PCSK5: variants seen among roughly 807,000 people sequenced by gnomAD.
PCSK5 encodes proprotein convertase subtilisin/kexin type 5.
A neutral mutation model predicts 233.2 loss-of-function variants in PCSK5; 129 were observed. The observed-to-expected ratio is 0.55, with a 90% CI of 0.48 to 0.64. The LOEUF (loss-of-function observed/expected upper bound fraction) is 0.64. PCSK5 is among the 30% of genes least tolerant of loss of function. The probability of loss-of-function intolerance (pLI) is 0.00; values close to 1 mark genes in which losing one functional copy is unlikely to be tolerated. For missense variants in PCSK5, 2,076 were observed against 2,430.1 expected (o/e 0.85, Z 3.06); for synonymous variants, 825 against 879.2 (o/e 0.94, Z 1.09).
intron 21 of PCSK5, among the ~76,000 whole-genome samples, chr9:76,232,913 A>T (rs1006023113): frequency 1.1e-4 from 16 of 152,222 alleles, no homozygotes; most frequent in African/African-American, 3.9e-4. Context: ...TTTGCAAAAC[A>T]TGACACTCAA....
At chr9:76,322,701 T>G (rs375478690) in intron 31 of PCSK5, among the ~76,000 whole-genome samples, 1 of 152,256 alleles carries the variant, frequency 6.6e-6, no homozygotes, top group African/African-American at 2.4e-5. Context: ...AGGTTCTCAA[T>G]ACAATTTTTT....
At chr9:76,320,688 A>G (rs1829172829) in intron 30 of PCSK5, among the ~76,000 whole-genome samples, 1 of 151,524 alleles carries the variant, frequency 6.6e-6, no homozygotes, top group Non-Finnish European at 1.5e-5. Flanking sequence ...TGGCCAAGCC[A>G]GTCTCAAACT....
At chr9:76,083,502 A>G (rs1830936952) in intron 7 of PCSK5, among the ~76,000 whole-genome samples, 1 of 152,230 alleles carries the variant, frequency 6.6e-6, no homozygotes, top group Admixed American at 6.5e-5. Context: ...CAGTGAAATC[A>G]GGATCATTGG....
chr9:75,913,325 G>C (rs1822832930), intron 1 of PCSK5, among the ~76,000 whole-genome samples: 1 of 152,172 alleles, frequency 6.6e-6, no homozygotes. Flanking sequence ...TGATGCGTCG[G>C]TAGTCAGATT....
chr9:75,908,939 CTGTCTATCTATCTATCTA>C (rs1421796546), intron 1 of PCSK5, among the ~76,000 whole-genome samples: 1 of 115,802 alleles, frequency 8.6e-6, no homozygotes, highest in Admixed American at 9.3e-5. Context: ...ATCTCTCTCT[CTGTCTATCTATCTATCTA>C]TCTATCTATC....
At position 76,260,141 on chromosome 9, in the gene PCSK5, T is replaced by C. The variant is rs889481785; in HGVS notation, c.3142+19457T>C. Among the ~76,000 whole-genome samples, 5 of 152,250 alleles carry C rather than the reference T, an allele frequency of 3.3e-5. No individual in the cohort carries two copies. The East Asian group carries it at 7.7e-4, about 23-fold the overall frequency. On this transcript the variant is annotated intron_variant, in intron 24 of 37. Coordinates refer to ENST00000674117, the MANE Select transcript of PCSK5 (RefSeq NM_001372043.1). The stretch of plus-strand genomic sequence containing the variant: ...CCTGGCTCAGCTGTAAGAGGCTAGT[T>C]GTGTGCTTTGGGGAAACTCACTTAA...
At chr9:76,064,758 C>T (rs1453651126) in intron 5 of PCSK5, among the ~76,000 whole-genome samples, 1 of 150,346 alleles carries the variant, frequency 6.7e-6, no homozygotes, top group Non-Finnish European at 1.5e-5. Context: ...AGAGGCGCTC[C>T]TCACATCCCA....
chr9:76,166,607 G>T (rs1191933845), intron 12 of PCSK5, among the ~76,000 whole-genome samples: 2 of 152,166 alleles, frequency 1.3e-5, no homozygotes, highest in Non-Finnish European at 2.9e-5. Flanking sequence ...GTAGTTTTTG[G>T]ATGTGAGGCA....
Position 76,175,090 on chromosome 9 carries a change from G to T in PCSK5, c.1861G>T (p.Glu621Ter). ...KVERFRYSRV[E>*]DPTDDYGTED... The stretch of plus-strand genomic sequence containing the variant: ...GGAACGGTTCCGCTATAGCCGAGTT[G>T]AAGACCCCACAGACGACTATGGCAC... The change falls in exon 14 of 38, where the codon GAA becomes TAA. Residue 621 changes from glutamate (E) to a stop codon, truncating the protein, a stop_gained. Coordinates refer to ENST00000674117, the MANE Select transcript of PCSK5 (RefSeq NM_001372043.1). LOFTEE classifies it high-confidence loss of function. The T allele has an allele frequency of 6.2e-7, 1 of 1,614,176 alleles. No individual in the cohort carries two copies. Among genetic ancestry groups the T allele is most frequent in the South Asian group, 1.1e-5 (1 of 91,088 alleles).
At chr9:75,959,850 G>A (rs1278871199) in intron 2 of PCSK5, among the ~76,000 whole-genome samples, 1 of 152,226 alleles carries the variant, frequency 6.6e-6, no homozygotes, top group African/African-American at 2.4e-5. Context: ...GAATGAGTAA[G>A]GTATGGTAAG....
chr9:76,323,172 C>G lies in PCSK5; in HGVS notation c.4223C>G (p.Pro1408Arg), dbSNP rs758157816. ...AAAGACTGTCTGGAGTGCAGTGGCC[C>G]CAAAGCCGACGACTGCGAGCTCTGT... ...CHKDCLECSG[P>R]KADDCELCLE... The change falls in exon 32 of 38, where the codon CCC (proline) becomes CGC (arginine). Residue 1408 changes from proline to arginine, a missense_variant. Physicochemically the swap from Pro to Arg is moderately radical, Grantham distance 103 (BLOSUM62 -2). Transcript: ENST00000674117. 1.1e-5 allele frequency: 17 copies of G among 1,612,640 alleles called. No homozygotes were observed. Among genetic ancestry groups the G allele is most frequent in the Non-Finnish European group, 1.4e-5 (16 of 1,179,742 alleles).
At chr9:76,143,040 A>T (rs1450056595) in intron 10 of PCSK5, among the ~76,000 whole-genome samples, 1 of 152,232 alleles carries the variant, frequency 6.6e-6, no homozygotes, top group African/African-American at 2.4e-5. Context: ...AATGTCATAC[A>T]CCTAACCTAA....
At chr9:75,905,504 G>C (rs1248085949) in intron 1 of PCSK5, among the ~76,000 whole-genome samples, 1 of 152,216 alleles carries the variant, frequency 6.6e-6, no homozygotes, top group Non-Finnish European at 1.5e-5. Context: ...ATGACAGCAA[G>C]ACACTGTCTC....
chr9:75,934,594 T>G (rs960796511), intron 2 of PCSK5, among the ~76,000 whole-genome samples: 5 of 152,006 alleles, frequency 3.3e-5, no homozygotes, highest in Non-Finnish European at 7.4e-5. Context: ...TTTAAATTTT[T>G]TTTTTAAACA....
chr9:75,967,836 A>C (rs1825658003), intron 2 of PCSK5, among the ~76,000 whole-genome samples: 1 of 151,100 alleles, frequency 6.6e-6, no homozygotes, highest in African/African-American at 2.4e-5. Context: ...ATCTCGGCTC[A>C]CCACAACCTC....
In PCSK5 at chr9:76,096,235, G is replaced by A. The variant is rs544432815; in HGVS notation, c.1107+133G>A. 1.4e-5 allele frequency: 9 copies of A among 637,590 alleles called. No individual in the cohort carries two copies. The East Asian group carries it at 2.2e-4, about 16-fold the overall frequency. The allele number at this position is 637,590 out of a possible 1,614,324, so 39.5% of individuals were successfully genotyped here. On this transcript the variant is annotated intron_variant, in intron 8 of 37. Coordinates refer to ENST00000674117, the MANE Select transcript of PCSK5 (RefSeq NM_001372043.1). The stretch of plus-strand genomic sequence containing the variant: ...CACACAGAAGTAATATATGGAAATA[G>A]GAAATTAGATTCGCTGATAATAGAA...
rs928946289 is a variant in PCSK5 at position 76,053,204 on chromosome 9, C to T, written c.633-14751C>T. Among the ~76,000 whole-genome samples, 8 of 152,318 alleles carry T rather than the reference C, an allele frequency of 5.3e-5. No homozygotes were observed. In the South Asian group the frequency reaches 8.3e-4, roughly 16 times the overall value. On this transcript the variant is annotated intron_variant, in intron 5 of 37. Transcript: ENST00000674117. Reference sequence around the variant, plus strand: ...TGGCCCTCTTCTCACAGCTCTGCTACGCAGTGCCCCAGTAGGGACACTCTT... The same window carrying T: ...TGGCCCTCTTCTCACAGCTCTGCTATGCAGTGCCCCAGTAGGGACACTCTT...
chr9:76,337,823 G>C (rs1829719579), intron 34 of PCSK5, among the ~76,000 whole-genome samples: 1 of 145,658 alleles, frequency 6.9e-6, no homozygotes, highest in Non-Finnish European at 1.5e-5. Flanking sequence ...AACATAGTGA[G>C]ACACCCATCT....
At chr9:75,955,900 A>G (rs1287486625) in intron 2 of PCSK5, among the ~76,000 whole-genome samples, 1 of 152,190 alleles carries the variant, frequency 6.6e-6, no homozygotes, top group Non-Finnish European at 1.5e-5. Flanking sequence ...TACTAACTCA[A>G]ATCATTTAAT....
Sources: gnomAD v4.1 joint callset for allele counts (sites outside exome capture counted in the v4.1 genomes callset) on GRCh38, gnomAD v4.1.1 for gene constraint, MANE v1.5 for transcripts, NCBI Gene and HGNC (gene_info 2026-07-23, HGNC 2026-07-21) for gene names.